The following ARHGAP24 variants were observed in gnomAD, a reference collection of about 807,000 sequenced individuals.
ARHGAP24 encodes Rho GTPase activating protein 24, also known as rho GTPase-activating protein 24.
In ARHGAP24, 50 loss-of-function variants were observed where a neutral mutation model predicts 76.4. That is an observed-to-expected ratio of 0.65 (90% CI 0.52 to 0.83). The LOEUF is 0.83. Among genes scored for constraint, ARHGAP24 ranks in the 40% least tolerant of loss-of-function variants. The pLI is 0.00. For missense variants in ARHGAP24, 930 were observed against 914.2 expected, an observed-to-expected ratio of 1.02 and a Z score of -0.22; for synonymous variants, 345 against 323.3, an observed-to-expected ratio of 1.07 and a Z score of -0.72.
intron 7 of ARHGAP24, among the ~76,000 whole-genome samples, chr4:85,977,046 C>A (rs148564296): frequency 1.3e-5 from 2 of 152,156 alleles, no homozygotes; most frequent in East Asian, 3.9e-4. Context: ...CCTTGGCCTC[C>A]CAAAGTGCTG....
intron 1 of ARHGAP24, among the ~76,000 whole-genome samples, chr4:85,476,910 A>C (rs2110085093): frequency 6.6e-6 from 1 of 152,304 alleles, no homozygotes; most frequent in East Asian, 1.9e-4. Flanking sequence ...TCAGTAATAA[A>C]AGTTACCATT....
chr4:85,971,874 G>A (rs1560755436), intron 5 of ARHGAP24, among the ~76,000 whole-genome samples, 162 bp from the exon 6 acceptor site: 1 of 152,032 alleles, frequency 6.6e-6, no homozygotes, highest in Non-Finnish European at 1.5e-5. Flanking sequence ...ACCTGTGGTG[G>A]CATCTAATAG....
At chr4:85,829,039 A>G (rs1729859663) in intron 3 of ARHGAP24, among the ~76,000 whole-genome samples, 1 of 152,160 alleles carries the variant, frequency 6.6e-6, no homozygotes, top group Non-Finnish European at 1.5e-5. Context: ...TCAAATTTTT[A>G]TGTCTAATGA....
At chr4:85,585,177 T>TTTG (rs1727803889) in intron 2 of ARHGAP24, among the ~76,000 whole-genome samples, 1 of 152,236 alleles carries the variant, frequency 6.6e-6, no homozygotes, top group Non-Finnish European at 1.5e-5. Flanking sequence ...AAACCTGAGT[T>TTTG]TTGTTTCTAC....
At chr4:85,823,405 C>T (rs1176408552) in intron 3 of ARHGAP24, among the ~76,000 whole-genome samples, 1 of 152,144 alleles carries the variant, frequency 6.6e-6, no homozygotes, top group African/African-American at 2.4e-5. Flanking sequence ...TATGAATATA[C>T]TTTTAGTCAT....
intron 2 of ARHGAP24, chr4:85,570,985 A>G: frequency 8.7e-6 from 3 of 344,056 alleles, no homozygotes; most frequent in Non-Finnish European, 1.6e-5. Context: ...CCTCTGGCAA[A>G]CTTAGTTCAT....
rs147870358 is a variant in ARHGAP24, at chr4:85,995,096, C to A, written c.1442C>A (p.Thr481Lys). 7 of 1,613,994 alleles carry A rather than the reference C, an allele frequency of 4.3e-6. No individual in the cohort carries two copies. Among genetic ancestry groups the A allele is most frequent in the African/African-American group, 1.3e-5 (1 of 74,996 alleles). The change falls in exon 9 of 10, where the codon ACG becomes AAG. Residue 481 changes from threonine to lysine, a missense_variant. Thr to Lys is a moderately conservative substitution (Grantham distance 78). Transcript: ENST00000395184. The part of the protein sequence containing the change: ...KMGTHSVQNG[T>K]VRMGILNSDT... Reference sequence around the variant, plus strand: ...GGCACGCACAGTGTACAGAATGGAACGGTGCGCATGGGCATTTTGAACAGC... The same window carrying A: ...GGCACGCACAGTGTACAGAATGGAAAGGTGCGCATGGGCATTTTGAACAGC...
At chr4:85,484,416 G>A (rs10049771) in intron 1 of ARHGAP24, among the ~76,000 whole-genome samples, 9,636 of 152,064 alleles carry the variant, frequency 0.063, 985 homozygotes, top group African/African-American at 0.22. Flanking sequence ...TGGAAATGGA[G>A]TTAATGCAAT....
intron 3 of ARHGAP24, among the ~76,000 whole-genome samples, chr4:85,734,719 G>A (rs528115638): frequency 2.4e-4 from 32 of 135,550 alleles, no homozygotes; most frequent in African/African-American, 7.7e-4. Context: ...CTTGCTTATC[G>A]GAATCACAGT....
chr4:85,504,544 C>G (rs1723958423), intron 1 of ARHGAP24, among the ~76,000 whole-genome samples: 1 of 152,118 alleles, frequency 6.6e-6, no homozygotes, highest in Admixed American at 6.6e-5. Flanking sequence ...ATTGCAACCC[C>G]TGCCTTTTTT....
chr4:85,742,928 C>T (rs529408536), intron 3 of ARHGAP24, among the ~76,000 whole-genome samples: 130 of 152,238 alleles, frequency 8.5e-4, no homozygotes, highest in African/African-American at 3.0e-3. Context: ...TGAAATCTCA[C>T]ACAGGACACC....
chr4:85,931,894 G>T (rs1343503227), intron 4 of ARHGAP24, among the ~76,000 whole-genome samples: 2 of 152,030 alleles, frequency 1.3e-5, no homozygotes, highest in Non-Finnish European at 2.9e-5. Context: ...ATTTAGTCAG[G>T]TGCTGAGTTG....
intron 3 of ARHGAP24, among the ~76,000 whole-genome samples, chr4:85,784,733 G>T (rs1412741132): frequency 6.6e-6 from 1 of 151,818 alleles, no homozygotes; most frequent in Non-Finnish European, 1.5e-5. Context: ...ATACAACCAG[G>T]TGCCAATTAG....
intron 2 of ARHGAP24, among the ~76,000 whole-genome samples, chr4:85,600,027 A>G (rs1719982547): frequency 6.6e-6 from 1 of 152,042 alleles, no homozygotes; most frequent in African/African-American, 2.4e-5. Context: ...TATAGTTATA[A>G]ACCATGTTAA....
chr4:85,583,697 A>G lies in ARHGAP24; in HGVS notation c.180+12976A>G, dbSNP rs991307664. Among the ~76,000 whole-genome samples the G allele has an allele frequency of 6.6e-5, 10 of 151,532 alleles. 1 individual carries two copies. ...AAAATTTTCGCAACCTACTCATCTG[A>G]CAAAGGGCTAATATCCAGAATCTAC... On this transcript the variant is annotated intron_variant, in intron 2 of 9. Transcript: ENST00000395184.
At chr4:85,770,395 GTCC>G (rs1275375640) in intron 3 of ARHGAP24, among the ~76,000 whole-genome samples, 39 of 152,124 alleles carry the variant, frequency 2.6e-4, no homozygotes, top group Non-Finnish European at 5.9e-5. Context: ...AATTCCAATA[GTCC>G]TCCTATTGTT....
At chr4:85,734,636 A>ATTT (rs34647342) in intron 3 of ARHGAP24, among the ~76,000 whole-genome samples, 5,044 of 101,856 alleles carry the variant, frequency 0.05, 508 homozygotes, top group African/African-American at 0.17. Flanking sequence ...AATTCAGGGA[A>ATTT]TTTTTTTTTT....
At chr4:85,800,432 G>A (rs1728528182) in intron 3 of ARHGAP24, among the ~76,000 whole-genome samples, 1 of 151,954 alleles carries the variant, frequency 6.6e-6, no homozygotes, top group South Asian at 2.1e-4. Context: ...GAATGAAATA[G>A]GGCCCAAATG....
chr4:85,602,940 T>G (rs1029816722), intron 2 of ARHGAP24, among the ~76,000 whole-genome samples: 6 of 152,236 alleles, frequency 3.9e-5, no homozygotes, highest in Non-Finnish European at 8.8e-5. Flanking sequence ...CCTCACTGCA[T>G]TAACTTGCTC....
Sources: allele counts gnomAD v4.1 joint callset (sites outside exome capture counted in the v4.1 genomes callset), GRCh38; gene constraint gnomAD v4.1.1; transcripts MANE v1.5; gene names NCBI Gene and HGNC (gene_info 2026-07-23, HGNC 2026-07-21).